The following WWOX variants were observed in gnomAD, a reference collection of about 807,000 sequenced individuals.
The protein encoded by WWOX is WW domain containing oxidoreductase, also known as WW domain-containing oxidoreductase.
A neutral mutation model predicts 46.2 loss-of-function variants in WWOX; 69 were observed. The ratio of observed to expected loss-of-function variants is 1.49; its 90% CI spans 1.23 to 1.82. The LOEUF is 1.82. Among genes scored for constraint, WWOX ranks in the 40% most tolerant of loss-of-function variants. The probability of loss-of-function intolerance (pLI) is 0.00; values close to 1 mark genes in which losing one functional copy is unlikely to be tolerated. For missense variants in WWOX, 919 were observed against 542.6 expected (o/e 1.69, Z -6.89); for synonymous variants, 359 against 202.6 (o/e 1.77, Z -6.56).
At chr16:78,764,066 G>C (rs544457943) in intron 8 of WWOX, among the ~76,000 whole-genome samples, 22 of 152,296 alleles carry the variant, frequency 1.4e-4, no homozygotes, top group Middle Eastern at 3.4e-3. Flanking sequence ...TGCTCAGAGA[G>C]ATCCAGAAGG....
At chr16:78,430,948 T>G (rs2083203296) in intron 7 of WWOX, among the ~76,000 whole-genome samples, 1 of 152,226 alleles carries the variant, frequency 6.6e-6, no homozygotes, top group Admixed American at 6.5e-5. Flanking sequence ...TCATTTTACC[T>G]TTTGCTTTTT....
intron 8 of WWOX, among the ~76,000 whole-genome samples, chr16:78,794,449 C>G (rs930268890): frequency 3.3e-5 from 5 of 152,140 alleles, no homozygotes; most frequent in African/African-American, 1.2e-4. Context: ...ATAAAAGCCC[C>G]AAAAGACTAT....
At chr16:79,009,851 C>G (rs748576888) in intron 8 of WWOX, among the ~76,000 whole-genome samples, 1 of 152,126 alleles carries the variant, frequency 6.6e-6, no homozygotes, top group Non-Finnish European at 1.5e-5. Context: ...GGGCTTCGAC[C>G]TCATCTGGGA....
intron 8 of WWOX, among the ~76,000 whole-genome samples, chr16:78,747,459 A>C (rs935852675): frequency 1.3e-5 from 2 of 152,192 alleles, no homozygotes; most frequent in African/African-American, 4.8e-5. Context: ...CCCATCATTT[A>C]TGAAGTGCTC....
intron 8 of WWOX, among the ~76,000 whole-genome samples, chr16:78,715,116 A>G (rs1180896274): frequency 6.6e-6 from 1 of 152,176 alleles, no homozygotes; most frequent in African/African-American, 2.4e-5. Context: ...CCCCATCTCT[A>G]TTAAGAAAAA....
intron 8 of WWOX, among the ~76,000 whole-genome samples, chr16:78,950,970 C>G (rs527815102): frequency 3.3e-5 from 5 of 152,202 alleles, no homozygotes; most frequent in African/African-American, 1.2e-4. Context: ...TTTCCAGCCC[C>G]GCTCAACCGC....
intron 8 of WWOX, among the ~76,000 whole-genome samples, chr16:78,869,488 C>G (rs1279694305): frequency 1.3e-5 from 2 of 152,232 alleles, no homozygotes; most frequent in South Asian, 2.1e-4. Context: ...CCCAGCTCAT[C>G]CGGTAACAAT....
chr16:78,633,997 C>G (rs1270900723), intron 8 of WWOX, among the ~76,000 whole-genome samples: 2 of 151,742 alleles, frequency 1.3e-5, no homozygotes, highest in African/African-American at 4.8e-5. Flanking sequence ...CTAGAGAGAC[C>G]AAAGAGGCAA....
chr16:78,646,818 G>T lies in WWOX; in HGVS notation c.1056+214066G>T, dbSNP rs143664204. Among the ~76,000 whole-genome samples, 274 of 152,214 alleles carry T rather than the reference G, an allele frequency of 1.8e-3. 1 individual carries two copies. The highest frequency in any genetic ancestry group is 6.4e-3 in the African/African-American group (264 of 41,530). ...GAAGTCAGGGACCATGCCTAGAATC[G>T]CCTTCCTTTTATCTCCCATCAGCCG... On this transcript the variant is annotated intron_variant, in intron 8 of 8. Coordinates refer to ENST00000566780, the MANE Select transcript of WWOX (RefSeq NM_016373.4).
At chr16:78,382,664 C>G (rs1314153971) in intron 5 of WWOX, among the ~76,000 whole-genome samples, 1 of 152,096 alleles carries the variant, frequency 6.6e-6, no homozygotes. Context: ...TTTTCATGTT[C>G]TAGATGGCAT....
At chr16:78,825,590 G>C in intron 8 of WWOX, 1 of 534,732 alleles carries the variant, frequency 1.9e-6, no homozygotes, top group South Asian at 1.4e-5. Flanking sequence ...GGTCGAGTCT[G>C]CAGTACAAAC....
intron 8 of WWOX, among the ~76,000 whole-genome samples, chr16:78,676,134 G>A (rs1332938779): frequency 7.0e-6 from 1 of 143,244 alleles, no homozygotes. Flanking sequence ...ACCAGACTGA[G>A]AGCCCCCAAG....
chr16:78,958,501 C>G lies in WWOX; in HGVS notation c.1057-253107C>G, dbSNP rs545084475. Among the ~76,000 whole-genome samples the G allele has an allele frequency of 2.0e-5, 3 of 152,304 alleles. 1 individual carries two copies. The East Asian group carries it at 5.8e-4, about 29-fold the overall frequency. On this transcript the variant is annotated intron_variant, in intron 8 of 8. Transcript: ENST00000566780. ...TGAAATAATTTAAAAACACACTTTA[C>G]TACAATCCATAGCAGGTAGTTTTGC... is the stretch of plus-strand genomic sequence containing the variant.
At chr16:78,995,247 C>A (rs16949183) in intron 8 of WWOX, among the ~76,000 whole-genome samples, 3 of 152,010 alleles carry the variant, frequency 2.0e-5, no homozygotes, top group African/African-American at 7.2e-5. Flanking sequence ...AATCCTTGCA[C>A]TGAAGCTTTT....
At chr16:78,584,678 G>A (rs2045149925) in intron 8 of WWOX, among the ~76,000 whole-genome samples, 2 of 152,340 alleles carry the variant, frequency 1.3e-5, no homozygotes, top group Middle Eastern at 3.4e-3. Context: ...AAAGCAGGCA[G>A]GAATTTTCCA....
chr16:78,450,195 T>C (rs2151409803), intron 8 of WWOX, among the ~76,000 whole-genome samples: 1 of 152,294 alleles, frequency 6.6e-6, no homozygotes, highest in East Asian at 1.9e-4. Flanking sequence ...TATCAAGCTC[T>C]TTTTATGCTT....
At chr16:78,893,734 C>T (rs1410220230) in intron 8 of WWOX, among the ~76,000 whole-genome samples, 2 of 152,138 alleles carry the variant, frequency 1.3e-5, no homozygotes, top group Non-Finnish European at 2.9e-5. Flanking sequence ...CCCCTTGTTC[C>T]AGAAAATGTC....
At chr16:79,078,933 A>G (rs1379735509) in intron 8 of WWOX, among the ~76,000 whole-genome samples, 2 of 152,220 alleles carry the variant, frequency 1.3e-5, no homozygotes, top group Non-Finnish European at 2.9e-5. Flanking sequence ...TCTCCCAACC[A>G]GAGATCAAAG....
chr16:78,789,258 T>C (rs1597612364), intron 8 of WWOX, among the ~76,000 whole-genome samples: 1 of 152,240 alleles, frequency 6.6e-6, no homozygotes, highest in African/African-American at 2.4e-5. Context: ...CTCTATTTTC[T>C]TCTCAGACTT....
Sources: gnomAD v4.1 joint callset for allele counts (sites outside exome capture counted in the v4.1 genomes callset) on GRCh38, gnomAD v4.1.1 for gene constraint, MANE v1.5 for transcripts, NCBI Gene and HGNC (gene_info 2026-07-23, HGNC 2026-07-21) for gene names.